KCNH8: variants seen among roughly 807,000 people sequenced by gnomAD.
KCNH8 encodes potassium voltage-gated channel subfamily H member 8.
Under a neutral mutation model 103.6 loss-of-function variants are expected in KCNH8, and 70 were observed. The observed-to-expected ratio is 0.68, with a 90% confidence interval of 0.56 to 0.82. The LOEUF is 0.82. Ranked by LOEUF, KCNH8 falls within the 40% of genes least tolerant of loss-of-function variation. The pLI is 0.00. For missense variants in KCNH8, 1,217 were observed against 1,329.9 expected, an observed-to-expected ratio of 0.92 and a Z score of 1.32; for synonymous variants, 498 against 489.4, an observed-to-expected ratio of 1.02 and a Z score of -0.23.
rs752478375 is a variant in KCNH8, at chr3:19,534,067, G to T, written c.3292G>T (p.Glu1098Ter). 1.2e-6 allele frequency: 2 copies of T among 1,613,984 alleles called. No individual in the cohort carries two copies. Among genetic ancestry groups the T allele is most frequent in the South Asian group, 2.2e-5 (2 of 91,072 alleles). Reference protein sequence around the residue: ...LPLEVVTSTAEVKDNKAINV With the variant: ...LPLEVVTSTA ...ACTGGAAGTTGTCACAAGCACAGCAGAAGTGAAAGATAACAAAGCCATAAA... is the reference window on the plus strand; with the variant it reads ...ACTGGAAGTTGTCACAAGCACAGCATAAGTGAAAGATAACAAAGCCATAAA... The change falls in exon 16 of 16, where the codon GAA (glutamate) becomes TAA (stop). Residue 1098 changes from glutamate to a stop codon, truncating the protein, a stop_gained. Coordinates refer to ENST00000328405, the MANE Select transcript of KCNH8 (RefSeq NM_144633.3). LOFTEE classifies it high-confidence loss of function.
chr3:19,300,070 G>A lies in KCNH8; in HGVS notation c.442+18741G>A, dbSNP rs1044402636. Among the ~76,000 whole-genome samples, 29 of 152,002 alleles carry A rather than the reference G, an allele frequency of 1.9e-4. No homozygotes were observed. The East Asian group carries it at 4.5e-3, about 23-fold the overall frequency. On this transcript the variant is annotated intron_variant, in intron 3 of 15. Transcript: ENST00000328405. Reference sequence around the variant, plus strand: ...TCGAGACCAGCCTGGCCAACATGGCGAAACCCCATCTCTACTGAAAATACA... The same window carrying A: ...TCGAGACCAGCCTGGCCAACATGGCAAAACCCCATCTCTACTGAAAATACA...
chr3:19,417,457 C>T (rs1445125667), intron 7 of KCNH8, among the ~76,000 whole-genome samples: 1 of 151,508 alleles, frequency 6.6e-6, no homozygotes, highest in Non-Finnish European at 1.5e-5. Context: ...CTTATTCTTG[C>T]TCGGAATAAG....
At chr3:19,418,028 A>C (rs2066889652) in intron 7 of KCNH8, among the ~76,000 whole-genome samples, 2 of 152,208 alleles carry the variant, frequency 1.3e-5, no homozygotes, top group Admixed American at 6.5e-5. Context: ...GTATGTTTGC[A>C]CAAGTAGAAA....
At chr3:19,232,791 T>C (rs1190197281) in intron 1 of KCNH8, among the ~76,000 whole-genome samples, 1 of 152,130 alleles carries the variant, frequency 6.6e-6, no homozygotes, top group East Asian at 1.9e-4. Context: ...TGGGAACACA[T>C]CCAAATCTCA....
chr3:19,436,258 G>T (rs1009686892), intron 7 of KCNH8, among the ~76,000 whole-genome samples: 3 of 151,958 alleles, frequency 2.0e-5, no homozygotes, highest in African/African-American at 4.8e-5. Context: ...TGTTGTGTAT[G>T]TTTTTTCATT....
chr3:19,168,959 ACC>A (rs2063311722), intron 1 of KCNH8, among the ~76,000 whole-genome samples: 2 of 151,980 alleles, frequency 1.3e-5, no homozygotes, highest in African/African-American at 4.8e-5. Context: ...TTTCCTCCTC[ACC>A]ATCCCTCCGC....
intron 1 of KCNH8, among the ~76,000 whole-genome samples, chr3:19,169,868 T>C (rs1045259362): frequency 4.6e-5 from 7 of 152,210 alleles, no homozygotes; most frequent in African/African-American, 1.7e-4. Context: ...AAGTTGTATA[T>C]CATTTTTTGT....
intron 3 of KCNH8, among the ~76,000 whole-genome samples, chr3:19,310,698 C>A (rs949663566): frequency 6.6e-6 from 1 of 151,516 alleles, no homozygotes; most frequent in African/African-American, 2.4e-5. Context: ...GTGAGTGTTA[C>A]AATCTATTTC....
chr3:19,468,348 A>G (rs1297538106), intron 11 of KCNH8, among the ~76,000 whole-genome samples: 3 of 152,232 alleles, frequency 2.0e-5, no homozygotes, highest in Non-Finnish European at 4.4e-5. Context: ...GAAAATGAAG[A>G]AAGTCCTGAA....
At chr3:19,408,347 G>T (rs2125145343) in intron 7 of KCNH8, among the ~76,000 whole-genome samples, 1 of 152,036 alleles carries the variant, frequency 6.6e-6, no homozygotes, top group African/African-American at 2.4e-5. Flanking sequence ...TATAGGGAAA[G>T]AAAGAAAAAG....
At chr3:19,376,566 G>A (rs565189307) in intron 5 of KCNH8, among the ~76,000 whole-genome samples, 15 of 152,262 alleles carry the variant, frequency 9.9e-5, no homozygotes, top group Middle Eastern at 3.4e-3. Context: ...CTTCTGTGTC[G>A]CTCACGCTGG....
chr3:19,149,789 T>G (rs935497623), intron 1 of KCNH8, among the ~76,000 whole-genome samples: 1 of 152,234 alleles, frequency 6.6e-6, no homozygotes, highest in African/African-American at 2.4e-5. Context: ...CTGTTGAGAC[T>G]CAGAGAAACT....
intron 7 of KCNH8, among the ~76,000 whole-genome samples, chr3:19,403,356 T>G (rs1459712046): frequency 1.0e-5 from 1 of 96,018 alleles, no homozygotes; most frequent in Non-Finnish European, 2.2e-5. Flanking sequence ...AATACATATG[T>G]AAAGAATATA....
intron 1 of KCNH8, among the ~76,000 whole-genome samples, chr3:19,240,789 T>C (rs556420645): frequency 1.3e-5 from 2 of 152,202 alleles, no homozygotes; most frequent in Admixed American, 6.5e-5. Context: ...TTTCTAGTTA[T>C]TAAGGCAAAA....
chr3:19,306,280 A>C (rs757850487), intron 3 of KCNH8, among the ~76,000 whole-genome samples: 1 of 152,110 alleles, frequency 6.6e-6, no homozygotes, highest in Non-Finnish European at 1.5e-5. Flanking sequence ...AACCTAAACT[A>C]AACTAAATAC....
chr3:19,447,803 T>G (rs1489922882), intron 8 of KCNH8, among the ~76,000 whole-genome samples: 1 of 152,010 alleles, frequency 6.6e-6, no homozygotes, highest in African/African-American at 2.4e-5. Context: ...ATTTAGAATC[T>G]ACAAAGAACA....
Position 19,451,179 on chromosome 3 carries a change from C to A in KCNH8, c.1600C>A (p.Leu534Met). 1.2e-6 allele frequency: 2 copies of A among 1,613,782 alleles called. No individual in the cohort carries two copies. The highest frequency in any genetic ancestry group is 1.7e-6 in the Non-Finnish European group (2 of 1,179,730). ...NELLKDFPDE[L>M]RSDITMHLNK... ...GCTTTTGAAAGACTTTCCAGATGAACTGCGTTCTGACATCACTATGCACTT... is the reference window on the plus strand; with the variant it reads ...GCTTTTGAAAGACTTTCCAGATGAAATGCGTTCTGACATCACTATGCACTT... The change falls in exon 10 of 16, where the codon CTG becomes ATG. Residue 534 changes from leucine to methionine, a missense_variant. By Grantham distance (15) the Leu-to-Met change is conservative. Around this residue, in one of 3 missense-constraint regions of KCNH8, gnomAD observed 415 missense variants for 577.4 expected, o/e 0.72. Coordinates refer to ENST00000328405, the MANE Select transcript of KCNH8 (RefSeq NM_144633.3).
At chr3:19,430,159 C>T (rs1368723795) in intron 7 of KCNH8, among the ~76,000 whole-genome samples, 2 of 152,218 alleles carry the variant, frequency 1.3e-5, no homozygotes, top group East Asian at 3.9e-4. Context: ...TGTAAGGAAG[C>T]GGTACCATTT....
chr3:19,259,790 T>TACAC (rs56173952), intron 2 of KCNH8, among the ~76,000 whole-genome samples: 1 of 150,768 alleles, frequency 6.6e-6, no homozygotes, highest in East Asian at 1.9e-4. Flanking sequence ...TGTGTTTACA[T>TACAC]ACACACACAC....
Sources: gnomAD v4.1 joint callset for allele counts (sites outside exome capture counted in the v4.1 genomes callset) on GRCh38, gnomAD v4.1.1 for gene constraint, gnomAD v4.1.1 regional missense constraint, MANE v1.5 for transcripts, NCBI Gene and HGNC (gene_info 2026-07-23, HGNC 2026-07-21) for gene names.